ZNF516: variants seen among roughly 807,000 people sequenced by gnomAD.
ZNF516 encodes the protein zinc finger protein 516.
In ZNF516, 19 loss-of-function variants were observed where a neutral mutation model predicts 79.7. The ratio of observed to expected loss-of-function variants is 0.24; its 90% CI spans 0.17 to 0.35. ZNF516 has a LOEUF of 0.35. Among genes scored for constraint, ZNF516 ranks in the 10% least tolerant of loss-of-function variants. ZNF516 has a pLI of 1.00. For missense variants in ZNF516, 1,678 were observed against 1,679.5 expected (o/e 1.00, Z 0.02); for synonymous variants, 877 against 739.5 (o/e 1.19, Z -3.02).
Position 76,456,959 on chromosome 18 carries a change from G to A in ZNF516, c.-158+6069C>T, listed in dbSNP as rs894410897. On this transcript the variant is annotated intron_variant, in intron 2 of 6. Coordinates refer to ENST00000443185, the MANE Select transcript of ZNF516 (RefSeq NM_014643.4). ...TGTGCTGTGAGGCTGGGTAAATCAC[G>A]CACAGGTACCACCTGTTTTATCTGC... is the stretch of plus-strand genomic sequence containing the variant. 2.0e-5 allele frequency among the ~76,000 whole-genome samples: 3 copies of A among 152,106 alleles called. No individual in the cohort carries two copies. The East Asian group carries it at 5.8e-4, about 29-fold the overall frequency.
intron 1 of ZNF516, among the ~76,000 whole-genome samples, chr18:76,480,316 T>G (rs1914434800): frequency 6.6e-6 from 1 of 152,116 alleles, no homozygotes; most frequent in Non-Finnish European, 1.5e-5. Context: ...ATGTGATCAC[T>G]AGAAAACGTA....
rs1420564296 is a variant in ZNF516, at chr18:76,467,081, C to T, written c.-271-3940G>A. On this transcript the variant is annotated intron_variant, in intron 1 of 6. Coordinates refer to ENST00000443185, the MANE Select transcript of ZNF516 (RefSeq NM_014643.4). This position sits in a 1 kb window ranked among gnomAD's most constrained non-coding sequence, Gnocchi z 4.2. ...AATCAGGCAGAGGCAGCCGTGGCCT[C>T]GCTGAACCTGCAGCTGACAGCCCCT... Among the ~76,000 whole-genome samples the T allele has an allele frequency of 1.3e-5, 2 of 152,160 alleles. No homozygotes were observed. The highest frequency in any genetic ancestry group is 3.9e-4 in the East Asian group (2 of 5,174).
chr18:76,410,083 C>T (rs2075356267), intron 3 of ZNF516, among the ~76,000 whole-genome samples: 1 of 152,176 alleles, frequency 6.6e-6, no homozygotes, highest in African/African-American at 2.4e-5. Context: ...GCCTCCCCAG[C>T]CATGGGGAGC....
Position 76,493,226 on chromosome 18 carries a change from A to C in ZNF516, c.-272+1918T>G. The C allele has an allele frequency of 1.0e-6, 1 of 966,452 alleles. No homozygotes were observed. Among genetic ancestry groups the C allele is most frequent in the Non-Finnish European group, 1.2e-6 (1 of 813,600 alleles). The allele number at this position is 966,452 out of a possible 1,614,324, so 59.9% of individuals were successfully genotyped here. Reference sequence around the variant, plus strand: ...GGGAGGCGTCAGACGATATCCATTTAAATATATTTTGTACTTCCACAAAGG... The same window carrying C: ...GGGAGGCGTCAGACGATATCCATTTCAATATATTTTGTACTTCCACAAAGG... On this transcript the variant is annotated intron_variant, in intron 1 of 6. Coordinates refer to ENST00000443185, the MANE Select transcript of ZNF516 (RefSeq NM_014643.4). This position sits in a 1 kb window ranked among gnomAD's most constrained non-coding sequence, Gnocchi z 5.2.
At chr18:76,422,300 G>A (rs2075518941) in intron 3 of ZNF516, among the ~76,000 whole-genome samples, 1 of 152,212 alleles carries the variant, frequency 6.6e-6, no homozygotes, top group South Asian at 2.1e-4. Flanking sequence ...CGGTCCCTCG[G>A]CACTCCCTGC....
intron 3 of ZNF516, among the ~76,000 whole-genome samples, chr18:76,409,369 G>T (rs568464009): frequency 1.3e-5 from 2 of 151,798 alleles, no homozygotes; most frequent in African/African-American, 4.8e-5. Context: ...AATCAAATTC[G>T]ATTTCTTAAC....
At chr18:76,474,166 T>C (rs935440394) in intron 1 of ZNF516, among the ~76,000 whole-genome samples, 1 of 152,194 alleles carries the variant, frequency 6.6e-6, no homozygotes, top group Non-Finnish European at 1.5e-5. Flanking sequence ...TCTGGAAGAA[T>C]TGGCAAATCT....
At chr18:76,422,490 A>C (rs2075521527) in intron 3 of ZNF516, among the ~76,000 whole-genome samples, 1 of 152,266 alleles carries the variant, frequency 6.6e-6, no homozygotes, top group South Asian at 2.1e-4. Context: ...CAACAAGCAC[A>C]ACCTCAGAAT....
chr18:76,426,587 G>T (rs1003703075), intron 3 of ZNF516, among the ~76,000 whole-genome samples: 2 of 151,908 alleles, frequency 1.3e-5, no homozygotes, highest in Non-Finnish European at 1.5e-5. Flanking sequence ...CAGGAATAAT[G>T]TATTTTTATG....
intron 4 of ZNF516, among the ~76,000 whole-genome samples, chr18:76,373,117 TCC>T (rs1445201890): frequency 2.0e-5 from 3 of 151,854 alleles, no homozygotes; most frequent in Non-Finnish European, 4.4e-5. Context: ...ACCACTGCAC[TCC>T]AGCCTAGGTG....
chr18:76,439,300 G>C (rs985079038), intron 3 of ZNF516, among the ~76,000 whole-genome samples: 4 of 152,186 alleles, frequency 2.6e-5, no homozygotes, highest in Non-Finnish European at 4.4e-5. Flanking sequence ...TTTTTAGATA[G>C]AAAGATACTG....
intron 3 of ZNF516, among the ~76,000 whole-genome samples, chr18:76,434,896 C>T (rs1245178051): frequency 6.6e-6 from 1 of 152,248 alleles, no homozygotes; most frequent in Non-Finnish European, 1.5e-5. Flanking sequence ...GGCTGAAGAA[C>T]TTCTAATACC....
At chr18:76,492,147 T>A (rs376872720) in intron 1 of ZNF516, 1 of 985,132 alleles carries the variant, frequency 1.0e-6, no homozygotes, top group African/African-American at 1.7e-5. Flanking sequence ...AACCTCTCCA[T>A]TGCATCATCC....
At chr18:76,392,523 G>A (rs35524738) in intron 3 of ZNF516, among the ~76,000 whole-genome samples, 1 of 142,368 alleles carries the variant, frequency 7.0e-6, no homozygotes, top group Non-Finnish European at 1.5e-5. Flanking sequence ...TAGGTGGCCA[G>A]GTGGGGGAAA....
chr18:76,365,835 G>A (rs1442995251), intron 6 of ZNF516, among the ~76,000 whole-genome samples: 3 of 152,164 alleles, frequency 2.0e-5, no homozygotes, highest in African/African-American at 7.2e-5. Flanking sequence ...TACGATCGAG[G>A]CAAAAGAGTG....
chr18:76,489,586 C>CAAAAAAA (rs5826461), intron 1 of ZNF516, among the ~76,000 whole-genome samples: 1 of 109,396 alleles, frequency 9.1e-6, no homozygotes, highest in Non-Finnish European at 1.9e-5. Flanking sequence ...CAACATCTTA[C>CAAAAAAA]AAAAAAAAAA....
intron 2 of ZNF516, among the ~76,000 whole-genome samples, chr18:76,446,524 A>G (rs952219937): frequency 2.0e-5 from 3 of 152,230 alleles, no homozygotes; most frequent in Non-Finnish European, 4.4e-5. Flanking sequence ...CCTTTGTGCC[A>G]GCATCGGACC....
intron 4 of ZNF516, among the ~76,000 whole-genome samples, chr18:76,376,062 G>A (rs1054668372): frequency 6.6e-6 from 1 of 152,226 alleles, no homozygotes; most frequent in Admixed American, 6.5e-5. Context: ...CGGATGCTGG[G>A]TCCAGGAAAG....
Position 76,451,144 on chromosome 18 carries a change from C to T in ZNF516, c.-157-7933G>A, listed in dbSNP as rs1912386050. On this transcript the variant is annotated intron_variant, in intron 2 of 6. Coordinates refer to ENST00000443185, the MANE Select transcript of ZNF516 (RefSeq NM_014643.4). The surrounding 1 kb of genome is among the most constrained non-coding windows in gnomAD (Gnocchi z 6.0). ...AGCAGCATGTGTCAGGGGAGGGAAG[C>T]AAAGCTGAAGTGGGTGCTGCTTTCC... 6.6e-6 allele frequency among the ~76,000 whole-genome samples: 1 copy of T among 152,198 alleles called. No homozygotes were observed. The highest frequency in any genetic ancestry group is 2.4e-5 in the African/African-American group (1 of 41,452).
Sources: gnomAD v4.1 joint callset for allele counts (sites outside exome capture counted in the v4.1 genomes callset) on GRCh38, gnomAD v4.1.1 for gene constraint, Gnocchi (gnomAD v3.1) non-coding constraint, MANE v1.5 for transcripts, NCBI Gene and HGNC (gene_info 2026-07-23, HGNC 2026-07-21) for gene names.